UBOX5: variants seen among roughly 807,000 people sequenced by gnomAD.
The protein encoded by UBOX5 is U-box domain containing 5, also known as RING finger protein 37.
Under a neutral mutation model 39.0 loss-of-function variants are expected in UBOX5, and 28 were observed. That is an observed-to-expected ratio of 0.72 (90% CI 0.53 to 0.98). The LOEUF (loss-of-function observed/expected upper bound fraction) is 0.98. UBOX5 is among the 50% of genes least tolerant of loss of function. The probability of loss-of-function intolerance (pLI) is 0.00; values close to 1 mark genes in which losing one functional copy is unlikely to be tolerated. For missense variants in UBOX5, 585 were observed against 674.4 expected (o/e 0.87, Z 1.47); for synonymous variants, 283 against 275.5 (o/e 1.03, Z -0.27).
intron 1 of UBOX5, among the ~76,000 whole-genome samples, chr20:3,145,448 T>C (rs190405676): frequency 0.028 from 4,201 of 151,402 alleles, 105 homozygotes; most frequent in Non-Finnish European, 0.046. Context: ...TTCCTTTTTT[T>C]TTTTTTTTTG....
At chr20:3,145,675 A>ATT (rs1296239685) in intron 1 of UBOX5, among the ~76,000 whole-genome samples, 3 of 152,046 alleles carry the variant, frequency 2.0e-5, no homozygotes, top group Non-Finnish European at 4.4e-5. Flanking sequence ...GGACTCAAGC[A>ATT]ATCTTCCCAC....
rs746725472 is a variant in UBOX5 at position 3,122,404 on chromosome 20, T to G, written c.235A>C (p.Thr79Pro). 6.2e-7 allele frequency: 1 copy of G among 1,614,230 alleles called. No homozygotes were observed. The highest frequency in any genetic ancestry group is 1.1e-5 in the South Asian group (1 of 91,086). ...DLTAGGGQNV[T>P]GLEMYTSASS... is the part of the protein sequence containing the mutation. ...GCAGATGTGTACATTTCCAGGCCAGTGACGTTCTGACCTCCCCCAGCTGTG... is the reference window on the plus strand; with the variant it reads ...GCAGATGTGTACATTTCCAGGCCAGGGACGTTCTGACCTCCCCCAGCTGTG... Residue 79 changes from threonine (T) to proline (P), a missense_variant, in exon 3 of 5, where the codon ACT becomes CCT. Physicochemically the swap from Thr to Pro is conservative, Grantham distance 38. Coordinates refer to ENST00000217173, the MANE Select transcript of UBOX5 (RefSeq NM_014948.4).
chr20:3,135,646 T>C (rs1176960119), intron 1 of UBOX5, among the ~76,000 whole-genome samples: 1 of 151,864 alleles, frequency 6.6e-6, no homozygotes, highest in Non-Finnish European at 1.5e-5. Context: ...ATAGAAAATG[T>C]CAGCATGCAC....
rs1235575769 is a variant in UBOX5, at chr20:3,147,460, A to C, written c.-42+12306T>G. 1.9e-6 allele frequency: 3 copies of C among 1,614,082 alleles called. No homozygotes were observed. The Admixed American group carries it at 5.0e-5, about 27-fold the overall frequency. On this transcript the variant is annotated intron_variant, in intron 1 of 4. Coordinates refer to ENST00000217173, the MANE Select transcript of UBOX5 (RefSeq NM_014948.4). ...ACAGCAATTCAGACCCCTCTTGCTG[A>C]AGGTGAGTACTAAGACGATTGCCTC... is the stretch of plus-strand genomic sequence containing the variant.
chr20:3,113,274 C>T (rs142632455), intron 4 of UBOX5, among the ~76,000 whole-genome samples: 1,707 of 133,932 alleles, frequency 0.013, 16 homozygotes, highest in South Asian at 0.045. Context: ...GGCAACAGAG[C>T]GAAACAGAGC....
At chr20:3,124,258 T>TTGCCGAGGCTGGACTGTAC (rs1399787185) in intron 1 of UBOX5, among the ~76,000 whole-genome samples, 3 of 152,180 alleles carry the variant, frequency 2.0e-5, no homozygotes, top group African/African-American at 4.8e-5. Context: ...TCTCCCTCTG[T>TTGCCGAGGCTGGACTGTAC]TGCCGAGGCT....
intron 1 of UBOX5, among the ~76,000 whole-genome samples, chr20:3,153,302 C>T (rs1333450332): frequency 6.6e-6 from 1 of 152,222 alleles, no homozygotes; most frequent in Non-Finnish European, 1.5e-5. Flanking sequence ...TGTAAAAACA[C>T]AGGCTAAGAT....
chr20:3,140,792 G>A (rs1306688069), intron 1 of UBOX5, among the ~76,000 whole-genome samples: 2 of 151,664 alleles, frequency 1.3e-5, no homozygotes, highest in Non-Finnish European at 2.9e-5. Context: ...GATGCTTAAG[G>A]TTTGGGGTAC....
chr20:3,124,763 C>T (rs572389021), intron 1 of UBOX5, among the ~76,000 whole-genome samples: 47 of 151,174 alleles, frequency 3.1e-4, no homozygotes, highest in Admixed American at 2.4e-3. Flanking sequence ...AGCGCCTCTG[C>T]CCAGCCGCCA....
intron 3 of UBOX5, among the ~76,000 whole-genome samples, chr20:3,117,409 C>T (rs1479318984): frequency 6.6e-6 from 1 of 152,240 alleles, no homozygotes; most frequent in African/African-American, 2.4e-5. Context: ...AGGGGCCAGG[C>T]GCTGTAGCTC....
At position 3,115,482 on chromosome 20, in the gene UBOX5, C is replaced by T. The variant is rs2148588504; in HGVS notation, c.1256-16G>A. 3 of 1,602,370 alleles carry T rather than the reference C, an allele frequency of 1.9e-6. No homozygotes were observed. The highest frequency in any genetic ancestry group is 2.6e-6 in the Non-Finnish European group (3 of 1,174,140). ...GACAGTGGACCTGTCGAGAGATGCGCACAGCACAACATCCAGAGACAGGCT... is the reference window on the plus strand; with the variant it reads ...GACAGTGGACCTGTCGAGAGATGCGTACAGCACAACATCCAGAGACAGGCT... On this transcript the variant is annotated splice_polypyrimidine_tract_variant and intron_variant, in intron 3 of 4. Coordinates refer to ENST00000217173, the MANE Select transcript of UBOX5 (RefSeq NM_014948.4).
At chr20:3,110,481 C>G (rs45551643) in intron 4 of UBOX5, 167 bp from the exon 5 acceptor site, 40,975 of 726,810 alleles carry the variant, frequency 0.056, 1,526 homozygotes, top group Non-Finnish European at 0.074. Flanking sequence ...GGAGAGGGAG[C>G]CTGGGAACCC....
intron 1 of UBOX5, among the ~76,000 whole-genome samples, chr20:3,152,889 G>GAGCA (rs1443975555): frequency 1.3e-5 from 2 of 149,542 alleles, no homozygotes; most frequent in African/African-American, 4.9e-5. Context: ...CTGGGCGAAA[G>GAGCA]AGCAAGACTG....
At chr20:3,135,695 T>A (rs1436636536) in intron 1 of UBOX5, among the ~76,000 whole-genome samples, 1 of 152,200 alleles carries the variant, frequency 6.6e-6, no homozygotes, top group Non-Finnish European at 1.5e-5. Flanking sequence ...AAAGTTTTGT[T>A]TCAGTTACAT....
chr20:3,131,136 G>C (rs1445506990), intron 1 of UBOX5, among the ~76,000 whole-genome samples: 1 of 151,680 alleles, frequency 6.6e-6, no homozygotes, highest in Non-Finnish European at 1.5e-5. Flanking sequence ...GGCTGAAGCA[G>C]AAGAATCGCT....
At chr20:3,142,142 A>C (rs2066522046) in intron 1 of UBOX5, among the ~76,000 whole-genome samples, 1 of 150,286 alleles carries the variant, frequency 6.7e-6, no homozygotes, top group African/African-American at 2.5e-5. Flanking sequence ...TATGGGCAAC[A>C]GGGTGAGACA....
intron 1 of UBOX5, chr20:3,148,131 T>C: frequency 6.2e-7 from 1 of 1,613,908 alleles, no homozygotes; most frequent in Non-Finnish European, 8.5e-7. Context: ...TCCTCCAAAT[T>C]GATCAAATCT....
chr20:3,112,403 A>G (rs1352233393), intron 4 of UBOX5, among the ~76,000 whole-genome samples: 1 of 150,802 alleles, frequency 6.6e-6, no homozygotes, highest in Non-Finnish European at 1.5e-5. Flanking sequence ...AGAGGCCCAG[A>G]GCCCCAGGGG....
Position 3,121,707 on chromosome 20 carries a change from G to T in UBOX5, c.932C>A (p.Ala311Asp), listed in dbSNP as rs750934899. 4 of 1,613,946 alleles carry T rather than the reference G, an allele frequency of 2.5e-6. No homozygotes were observed. The East Asian group carries it at 8.9e-5, about 36-fold the overall frequency. The change falls in exon 3 of 5, where the codon GCT (alanine) becomes GAT (aspartate). Residue 311 changes from alanine (A) to aspartate (D), a missense_variant. Transcript: ENST00000217173. ...CAGGGGCTGAGAGTGCGGAGTAAAA[G>T]CTACCCCCGTGAAAGGGTCACTGGG... ...RVPSDPFTGV[A>D]FTPHSQPLPH... is the part of the protein sequence containing the mutation.
Sources: gnomAD v4.1 joint callset for allele counts (sites outside exome capture counted in the v4.1 genomes callset) on GRCh38, gnomAD v4.1.1 for gene constraint, MANE v1.5 for transcripts, NCBI Gene and HGNC (gene_info 2026-07-23, HGNC 2026-07-21) for gene names.